Variants in PDE9A observed in about 807,000 individuals in gnomAD.
PDE9A encodes the protein high affinity cGMP-specific 3',5'-cyclic phosphodiesterase 9A.
PDE9A carries 60 observed loss-of-function variants against 87.4 expected under a neutral mutation model. The observed-to-expected ratio is 0.69, with a 90% CI of 0.56 to 0.85. The LOEUF (loss-of-function observed/expected upper bound fraction) is 0.85. Ranked by LOEUF, PDE9A falls within the 40% of genes least tolerant of loss-of-function variation. PDE9A has a pLI of 0.00. For synonymous variants in PDE9A, 272 were observed against 279.4 expected (o/e 0.97, Z 0.27); for missense variants, 665 against 779.0 (o/e 0.85, Z 1.74).
chr21:42,763,051 T>C (rs1000791356), intron 14 of PDE9A, among the ~76,000 whole-genome samples: 1 of 151,380 alleles, frequency 6.6e-6, no homozygotes, highest in Non-Finnish European at 1.5e-5. Flanking sequence ...GGGAGGAGAG[T>C]GAGAGGATAT....
intron 15 of PDE9A, among the ~76,000 whole-genome samples, chr21:42,767,239 G>A (rs1395961915): frequency 6.6e-6 from 1 of 152,164 alleles, no homozygotes; most frequent in Non-Finnish European, 1.5e-5. Flanking sequence ...CGTGGGAGGT[G>A]TGAGGTGCAG....
At position 42,684,415 on chromosome 21, in the gene PDE9A, C is replaced by T. The variant is rs80296875; in HGVS notation, c.70-1777C>T. Among the ~76,000 whole-genome samples the T allele has an allele frequency of 9.0e-3, 1,375 of 152,342 alleles. 29 individuals carry two copies. Among genetic ancestry groups the T allele is most frequent in the African/African-American group, 0.031 (1,300 of 41,584 alleles). On this transcript the variant is annotated intron_variant, in intron 1 of 19. Transcript: ENST00000291539. ...CACGACCCCAGCCCAGGCTCTGCCA[C>T]GCCACAACTCCACGGGCATAGCCTG...
intron 15 of PDE9A, among the ~76,000 whole-genome samples, chr21:42,767,581 G>A (rs995124609): frequency 6.6e-6 from 1 of 152,196 alleles, no homozygotes; most frequent in Non-Finnish European, 1.5e-5. Flanking sequence ...AAACCAGCAG[G>A]TGCAGCCCGC....
chr21:42,713,774 A>G (rs2049561554), intron 4 of PDE9A, among the ~76,000 whole-genome samples: 1 of 152,210 alleles, frequency 6.6e-6, no homozygotes, highest in Admixed American at 6.5e-5. Context: ...AAAAAAAACT[A>G]TGTGGCATAA....
At position 42,692,991 on chromosome 21, in the gene PDE9A, T is replaced by G. The variant is rs1310297201; in HGVS notation, c.218+4997T>G. ...CATGTCCAGGAGGGAGCCGGCATCCTTTGCTGACTTTCTTGCTGTGACTAT... is the reference window on the plus strand; with the variant it reads ...CATGTCCAGGAGGGAGCCGGCATCCGTTGCTGACTTTCTTGCTGTGACTAT... On this transcript the variant is annotated intron_variant, in intron 3 of 19. Transcript: ENST00000291539. This position sits in a 1 kb window ranked among gnomAD's most constrained non-coding sequence, Gnocchi z 4.3. Among the ~76,000 whole-genome samples, 1 of 152,186 alleles carries G rather than the reference T, an allele frequency of 6.6e-6. No individual in the cohort carries two copies. Among genetic ancestry groups the G allele is most frequent in the African/African-American group, 2.4e-5 (1 of 41,456 alleles).
intron 8 of PDE9A, 46 bp from the exon 9 acceptor site, chr21:42,751,070 G>T (rs772653127): frequency 1.6e-6 from 2 of 1,267,020 alleles, no homozygotes; most frequent in South Asian, 2.4e-5. Context: ...GGCTTCACCA[G>T]ACTGAAACAG....
intron 1 of PDE9A, among the ~76,000 whole-genome samples, chr21:42,654,426 C>G (rs1389788799): frequency 2.6e-5 from 4 of 152,144 alleles, no homozygotes; most frequent in African/African-American, 9.7e-5. Flanking sequence ...GATAGGAAGT[C>G]CCTCGAATGT....
chr21:42,732,011 G>A (rs1440641323), intron 5 of PDE9A, 59 bp from the exon 6 acceptor site: 3 of 1,611,696 alleles, frequency 1.9e-6, no homozygotes, highest in Non-Finnish European at 2.5e-6. Context: ...GGGCTGCAAT[G>A]GCCTACACAT....
intron 4 of PDE9A, among the ~76,000 whole-genome samples, chr21:42,712,509 T>C (rs2049442511): frequency 6.6e-6 from 1 of 152,246 alleles, no homozygotes; most frequent in Admixed American, 6.5e-5. Context: ...TTGGCTTTTA[T>C]TTCTTTTACT....
At chr21:42,765,360 C>T (rs373362253) in intron 14 of PDE9A, 21 bp from the exon 15 acceptor site, 47 of 1,420,834 alleles carry the variant, frequency 3.3e-5, no homozygotes, top group Admixed American at 5.1e-5. Flanking sequence ...CGTGTTAACA[C>T]GTTGTTCTCT....
chr21:42,684,924 ATC>A (rs2059363996), intron 1 of PDE9A, among the ~76,000 whole-genome samples: 1 of 151,840 alleles, frequency 6.6e-6, no homozygotes, highest in African/African-American at 2.4e-5. Context: ...GAAAAAAAAA[ATC>A]TGTTTTCTAT....
intron 8 of PDE9A, among the ~76,000 whole-genome samples, chr21:42,748,276 G>A (rs537952943): frequency 2.4e-4 from 36 of 152,278 alleles, no homozygotes; most frequent in Admixed American, 7.8e-4. Context: ...GGAATTTCTC[G>A]TTTAATGGAT....
Position 42,704,618 on chromosome 21 carries a change from AG to A in PDE9A, c.262+5608del, listed in dbSNP as rs1321643488. On this transcript the variant is annotated intron_variant, in intron 4 of 19. Coordinates refer to ENST00000291539, the MANE Select transcript of PDE9A (RefSeq NM_002606.3). This position sits in a 1 kb window ranked among gnomAD's most constrained non-coding sequence, Gnocchi z 5.3. ...CACTGAGCCGTGGCCCAAGGTCAGG[AG>A]TTAGCTCTAGCGACGCCGCCCTGAG... Among the ~76,000 whole-genome samples, 1 of 152,170 alleles carries A rather than the reference AG, an allele frequency of 6.6e-6. No individual in the cohort carries two copies. The highest frequency in any genetic ancestry group is 1.5e-5 in the Non-Finnish European group (1 of 68,030).
Position 42,653,855 on chromosome 21 carries a change from A to G in PDE9A, c.41A>G (p.Tyr14Cys). The change falls in exon 1 of 20, where the codon TAC (tyrosine) becomes TGC (cysteine). Residue 14 changes from tyrosine (Y) to cysteine (C), a missense_variant. By Grantham distance (194) the Tyr-to-Cys change is radical. Coordinates refer to ENST00000291539, the MANE Select transcript of PDE9A (RefSeq NM_002606.3). ...GSSSYRPKAI[Y>C]LDIDGRIQKV... The stretch of plus-strand genomic sequence containing the variant: ...TCCAGCTACCGGCCCAAGGCCATCT[A>G]CCTGGACATCGATGGACGCATTCAG... The G allele has an allele frequency of 1.9e-6, 3 of 1,568,232 alleles. No individual in the cohort carries two copies. The highest frequency in any genetic ancestry group is 2.6e-6 in the Non-Finnish European group (3 of 1,157,904).
intron 4 of PDE9A, among the ~76,000 whole-genome samples, chr21:42,720,462 C>T (rs1424374065): frequency 1.3e-5 from 2 of 152,018 alleles, no homozygotes; most frequent in East Asian, 3.9e-4. Flanking sequence ...CCATTGCACT[C>T]CAGCCTGGGC....
intron 4 of PDE9A, among the ~76,000 whole-genome samples, chr21:42,712,187 A>G (rs1007984418): frequency 3.3e-5 from 5 of 152,118 alleles, no homozygotes; most frequent in Admixed American, 3.3e-4. Context: ...CCCTCCACTT[A>G]TTTAGGTCTC....
chr21:42,768,847 G>T, intron 16 of PDE9A, 180 bp from the exon 17 acceptor site: 1 of 985,220 alleles, frequency 1.0e-6, no homozygotes, highest in Non-Finnish European at 1.2e-6. Flanking sequence ...AGACCTGCAC[G>T]CCCAGCTCTG....
rs1569118392 is a variant in PDE9A, at chr21:42,670,403, CACACATACATTCACACGCACTT to C, written c.70-15785_70-15764del. Among the ~76,000 whole-genome samples the C allele has an allele frequency of 8.0e-5, 8 of 100,258 alleles. No homozygotes were observed. The African/African-American group carries it at 8.3e-4, about 10-fold the overall frequency. The allele number at this position is 100,258 out of a possible 152,430, so 65.8% of individuals were successfully genotyped here. On this transcript the variant is annotated intron_variant, in intron 1 of 19. Coordinates refer to ENST00000291539, the MANE Select transcript of PDE9A (RefSeq NM_002606.3). ...ATTCACATTTACATTCACAAACATT[CACACATACATTCACACGCACTT>C]ACAGTCACACATACACTTATACACA...
intron 1 of PDE9A, among the ~76,000 whole-genome samples, chr21:42,680,004 G>C (rs2059075002): frequency 6.6e-6 from 1 of 152,208 alleles, no homozygotes; most frequent in Non-Finnish European, 1.5e-5. Context: ...GTCGTAAGGA[G>C]GCTGAGAGGT....
Sources: gnomAD v4.1 joint callset for allele counts (sites outside exome capture counted in the v4.1 genomes callset) on GRCh38, gnomAD v4.1.1 for gene constraint, Gnocchi (gnomAD v3.1) non-coding constraint, MANE v1.5 for transcripts, NCBI Gene and HGNC (gene_info 2026-07-23, HGNC 2026-07-21) for gene names.